The following PIP4K2A variants were observed in gnomAD, a reference collection of about 807,000 sequenced individuals.
PIP4K2A encodes phosphatidylinositol-5-phosphate 4-kinase type 2 alpha.
A neutral mutation model predicts 42.9 loss-of-function variants in PIP4K2A; 14 were observed. The observed-to-expected ratio is 0.33, with a 90% CI of 0.22 to 0.51. The LOEUF (loss-of-function observed/expected upper bound fraction) is 0.51. Ranked by LOEUF, PIP4K2A falls within the 20% of genes least tolerant of loss-of-function variation. The probability of loss-of-function intolerance (pLI) is 0.97; values close to 1 mark genes in which losing one functional copy is unlikely to be tolerated. For synonymous variants in PIP4K2A, 192 were observed against 192.2 expected (o/e 1.00, Z 0.01); for missense variants, 434 against 519.8 (o/e 0.83, Z 1.61).
chr10:22,563,030 G>C (rs1246373664), intron 6 of PIP4K2A, among the ~76,000 whole-genome samples: 1 of 152,146 alleles, frequency 6.6e-6, no homozygotes, highest in Non-Finnish European at 1.5e-5. Flanking sequence ...TTGGCCATTT[G>C]CCCTTTTACT....
chr10:22,698,153 T>C (rs563305887), intron 1 of PIP4K2A, among the ~76,000 whole-genome samples: 3 of 152,302 alleles, frequency 2.0e-5, no homozygotes, highest in Admixed American at 2.0e-4. Context: ...GTGGAAGCCA[T>C]CTTCCAACCT....
chr10:22,594,698 C>A (rs190855864), intron 3 of PIP4K2A, among the ~76,000 whole-genome samples: 2 of 152,300 alleles, frequency 1.3e-5, no homozygotes, highest in Admixed American at 6.5e-5. Flanking sequence ...CCATGCCCAG[C>A]GCAACATATG....
At chr10:22,664,234 C>T (rs936271696) in intron 1 of PIP4K2A, among the ~76,000 whole-genome samples, 7 of 120,964 alleles carry the variant, frequency 5.8e-5, no homozygotes, top group South Asian at 4.9e-4. Flanking sequence ...TATATACACA[C>T]ACACACACAC....
intron 2 of PIP4K2A, among the ~76,000 whole-genome samples, chr10:22,609,392 C>T (rs1007256928): frequency 7.2e-5 from 11 of 152,190 alleles, no homozygotes; most frequent in Non-Finnish European, 8.8e-5. Context: ...TCACTTTCAA[C>T]GTATAAGATA....
chr10:22,656,111 T>C (rs1232022605), intron 1 of PIP4K2A, among the ~76,000 whole-genome samples: 1 of 152,212 alleles, frequency 6.6e-6, no homozygotes, highest in Admixed American at 6.5e-5. Context: ...ATGGCACATT[T>C]AATGAAATAA....
intron 1 of PIP4K2A, among the ~76,000 whole-genome samples, chr10:22,689,163 C>T (rs1418112036): frequency 6.6e-6 from 1 of 152,126 alleles, no homozygotes; most frequent in Non-Finnish European, 1.5e-5. Flanking sequence ...TTCCTCCCCT[C>T]CTCACTCCCC....
At chr10:22,709,751 T>C (rs768883675) in intron 1 of PIP4K2A, among the ~76,000 whole-genome samples, 6 of 152,146 alleles carry the variant, frequency 3.9e-5, no homozygotes, top group Non-Finnish European at 8.8e-5. Flanking sequence ...GGAAAATGTA[T>C]TCTGTTCTCT....
At chr10:22,574,940 C>T (rs1024259796) in intron 4 of PIP4K2A, among the ~76,000 whole-genome samples, 1 of 152,090 alleles carries the variant, frequency 6.6e-6, no homozygotes, top group Non-Finnish European at 1.5e-5. Flanking sequence ...AACATGGAGA[C>T]TGAGGAAGTC....
intron 1 of PIP4K2A, among the ~76,000 whole-genome samples, chr10:22,616,396 G>A (rs988914650): frequency 1.3e-5 from 2 of 152,114 alleles, no homozygotes; most frequent in Non-Finnish European, 2.9e-5. Context: ...GGGGGTAGAG[G>A]TGCTATTATC....
intron 1 of PIP4K2A, among the ~76,000 whole-genome samples, chr10:22,645,002 C>G (rs890004207): frequency 2.0e-5 from 3 of 152,178 alleles, no homozygotes; most frequent in Admixed American, 2.0e-4. Flanking sequence ...TTACTGCCTA[C>G]CCCCTTCCCC....
chr10:22,629,825 T>C (rs966963168), intron 1 of PIP4K2A, among the ~76,000 whole-genome samples: 1 of 152,198 alleles, frequency 6.6e-6, no homozygotes, highest in Non-Finnish European at 1.5e-5. Flanking sequence ...ACATGATACA[T>C]GTGATAATAA....
chr10:22,669,163 T>C (rs1244408427), intron 1 of PIP4K2A, among the ~76,000 whole-genome samples: 5 of 152,120 alleles, frequency 3.3e-5, no homozygotes, highest in Non-Finnish European at 7.4e-5. Context: ...GCAACTATAA[T>C]GAGGGGAGAT....
chr10:22,650,818 T>G (rs1838978235), intron 1 of PIP4K2A, among the ~76,000 whole-genome samples: 1 of 144,560 alleles, frequency 6.9e-6, no homozygotes. Context: ...GAGTTTCTTC[T>G]TTTTGGAAAT....
At chr10:22,555,020 C>T (rs955428221) in intron 6 of PIP4K2A, among the ~76,000 whole-genome samples, 12 of 152,226 alleles carry the variant, frequency 7.9e-5, no homozygotes, top group East Asian at 1.9e-4. Context: ...GCTAATGTGA[C>T]GTGTAAATGC....
intron 4 of PIP4K2A, 79 bp downstream of exon 4, chr10:22,591,550 T>G: frequency 2.7e-6 from 3 of 1,108,644 alleles, no homozygotes; most frequent in Non-Finnish European, 4.0e-6. Context: ...AACTATATAT[T>G]TAAATCTCTG....
intron 4 of PIP4K2A, among the ~76,000 whole-genome samples, chr10:22,582,110 A>AG (rs1378657202): frequency 6.8e-5 from 10 of 146,910 alleles, no homozygotes; most frequent in African/African-American, 2.6e-4. Flanking sequence ...TCAAAAAAGA[A>AG]AAAAAAAAAA....
intron 1 of PIP4K2A, among the ~76,000 whole-genome samples, chr10:22,644,602 TCACCACCCTATCCAGATGGCACC>T (rs1472905767): frequency 6.6e-6 from 1 of 152,136 alleles, no homozygotes; most frequent in Non-Finnish European, 1.5e-5. Flanking sequence ...GGGGCTCCCC[TCACCACCCTATCCAGATGGCACC>T]CACCACTCTA....
Position 22,701,351 on chromosome 10 carries a change from T to G in PIP4K2A, c.144+12832A>C, listed in dbSNP as rs1279698334. Reference sequence around the variant, plus strand: ...ACCTGAAATCTCTCTAAGCACATCCTTTGTCTGCTTGTTTACAGCAGTATC... The same window carrying G: ...ACCTGAAATCTCTCTAAGCACATCCGTTGTCTGCTTGTTTACAGCAGTATC... On this transcript the variant is annotated intron_variant, in intron 1 of 9. Coordinates refer to ENST00000376573, the MANE Select transcript of PIP4K2A (RefSeq NM_005028.5). 2.0e-5 allele frequency among the ~76,000 whole-genome samples: 3 copies of G among 152,206 alleles called. No homozygotes were observed. The East Asian group carries it at 5.8e-4, about 29-fold the overall frequency.
intron 4 of PIP4K2A, among the ~76,000 whole-genome samples, chr10:22,583,062 T>G (rs1395829341): frequency 6.6e-6 from 1 of 152,234 alleles, no homozygotes. Context: ...TACTGAGATA[T>G]GCAGAAATGC....
Sources: allele counts gnomAD v4.1 joint callset (sites outside exome capture counted in the v4.1 genomes callset), GRCh38; gene constraint gnomAD v4.1.1; transcripts MANE v1.5; gene names NCBI Gene and HGNC (gene_info 2026-07-23, HGNC 2026-07-21).